Variants in ITGBL1 observed in about 807,000 individuals in gnomAD.
ITGBL1 encodes the protein integrin subunit beta like 1.
A neutral mutation model predicts 68.5 loss-of-function variants in ITGBL1; 51 were observed. The ratio of observed to expected loss-of-function variants is 0.74; its 90% CI spans 0.59 to 0.94. The LOEUF (loss-of-function observed/expected upper bound fraction) is 0.94. Among genes scored for constraint, ITGBL1 ranks in the 40% least tolerant of loss-of-function variants. The pLI, the probability that ITGBL1 is intolerant of heterozygous loss-of-function variation, is 0.00. For missense variants in ITGBL1, 649 were observed against 647.4 expected (o/e 1.00, Z -0.03); for synonymous variants, 209 against 227.3 (o/e 0.92, Z 0.72).
At chr13:101,564,560 A>G (rs1488058189) in intron 2 of ITGBL1, among the ~76,000 whole-genome samples, 3 of 150,488 alleles carry the variant, frequency 2.0e-5, no homozygotes, top group Non-Finnish European at 4.4e-5. Context: ...ATAACAATAT[A>G]TAACAATTTA....
At chr13:101,676,465 A>G (rs1188447229) in intron 7 of ITGBL1, among the ~76,000 whole-genome samples, 2 of 152,138 alleles carry the variant, frequency 1.3e-5, no homozygotes, top group Non-Finnish European at 2.9e-5. Context: ...CAATTACTGT[A>G]TTTGCAGCAA....
intron 2 of ITGBL1, among the ~76,000 whole-genome samples, chr13:101,460,900 C>T (rs1394464412): frequency 2.0e-5 from 3 of 152,170 alleles, no homozygotes; most frequent in Admixed American, 6.5e-5. Context: ...GGGATCCACC[C>T]CCATAACCCA....
intron 7 of ITGBL1, among the ~76,000 whole-genome samples, chr13:101,691,891 G>T (rs1244482461): frequency 6.6e-6 from 1 of 152,078 alleles, no homozygotes; most frequent in Non-Finnish European, 1.5e-5. Flanking sequence ...TGTCATGCAG[G>T]GAATGATAGT....
intron 7 of ITGBL1, among the ~76,000 whole-genome samples, chr13:101,618,168 T>A (rs2031440589): frequency 6.6e-6 from 1 of 152,146 alleles, no homozygotes; most frequent in South Asian, 2.1e-4. Context: ...GGGGGGAAAT[T>A]ATGTTTAGTG....
chr13:101,669,056 A>G (rs1029780688), intron 7 of ITGBL1, among the ~76,000 whole-genome samples: 2 of 152,106 alleles, frequency 1.3e-5, no homozygotes, highest in South Asian at 4.1e-4. Flanking sequence ...AAACCTTTTA[A>G]TTAATATATG....
At chr13:101,660,407 C>T (rs189661104) in intron 7 of ITGBL1, among the ~76,000 whole-genome samples, 2 of 152,184 alleles carry the variant, frequency 1.3e-5, no homozygotes, top group African/African-American at 2.4e-5. Flanking sequence ...TGGGGCCATC[C>T]AGTTTTCAGA....
chr13:101,582,585 C>T (rs761204194), intron 5 of ITGBL1, among the ~76,000 whole-genome samples: 2 of 152,154 alleles, frequency 1.3e-5, no homozygotes, highest in Admixed American at 6.6e-5. Flanking sequence ...ATAATCTGGG[C>T]TCATCTGATC....
At chr13:101,591,989 G>A (rs376016974) in intron 6 of ITGBL1, among the ~76,000 whole-genome samples, 13 of 152,166 alleles carry the variant, frequency 8.5e-5, no homozygotes, top group East Asian at 1.9e-4. Context: ...ATGTACTTCC[G>A]AAGAAATGTG....
chr13:101,605,594 G>T (rs540788997), intron 7 of ITGBL1, among the ~76,000 whole-genome samples: 2 of 151,188 alleles, frequency 1.3e-5, no homozygotes, highest in South Asian at 2.1e-4. Context: ...ATTTAGACAC[G>T]TACGTGTGTA....
chr13:101,484,070 C>T (rs1286008804), intron 2 of ITGBL1, among the ~76,000 whole-genome samples: 9 of 151,152 alleles, frequency 6.0e-5, no homozygotes, highest in Admixed American at 4.6e-4. Flanking sequence ...TTTTTTTTCC[C>T]CTGCTTTTTG....
chr13:101,535,950 G>A (rs1238359257), intron 2 of ITGBL1, among the ~76,000 whole-genome samples: 1 of 151,994 alleles, frequency 6.6e-6, no homozygotes, highest in Non-Finnish European at 1.5e-5. Context: ...CTCATGGTTA[G>A]TTCTGTACTT....
At chr13:101,673,041 A>G (rs2033415462) in intron 7 of ITGBL1, among the ~76,000 whole-genome samples, 1 of 152,174 alleles carries the variant, frequency 6.6e-6, no homozygotes, top group Non-Finnish European at 1.5e-5. Flanking sequence ...AAGTTCACCA[A>G]ACTGTCGAAT....
intron 2 of ITGBL1, among the ~76,000 whole-genome samples, chr13:101,531,700 GTTAT>G (rs10551253): frequency 0.4 from 54,963 of 138,676 alleles, 11,681 homozygotes; most frequent in East Asian, 0.54. Context: ...TTTTTATTTT[GTTAT>G]TTATTTATTT....
At chr13:101,690,818 G>A (rs2033867916) in intron 7 of ITGBL1, among the ~76,000 whole-genome samples, 5 of 152,176 alleles carry the variant, frequency 3.3e-5, no homozygotes, top group Admixed American at 3.3e-4. Context: ...AAAAAAATGT[G>A]TATTGGTATA....
intron 4 of ITGBL1, 42 bp downstream of exon 4, chr13:101,575,588 T>G (rs1594899445): frequency 5.1e-6 from 8 of 1,583,560 alleles, no homozygotes; most frequent in Middle Eastern, 1.7e-4. Flanking sequence ...AAGTACCTGT[T>G]TTTTTCACCT....
intron 2 of ITGBL1, among the ~76,000 whole-genome samples, chr13:101,515,348 C>T (rs544619261): frequency 6.0e-5 from 9 of 150,902 alleles, no homozygotes; most frequent in Admixed American, 5.9e-4. Context: ...TTTTTTTAGC[C>T]CAGCATTTTG....
chr13:101,553,784 C>T (rs2049959555), intron 2 of ITGBL1, among the ~76,000 whole-genome samples: 1 of 151,936 alleles, frequency 6.6e-6, no homozygotes, highest in South Asian at 2.1e-4. Flanking sequence ...CATATTTCCC[C>T]CCTTTTTTTG....
chr13:101,595,811 G>T (rs1055357448), intron 6 of ITGBL1, among the ~76,000 whole-genome samples: 1 of 152,042 alleles, frequency 6.6e-6, no homozygotes, highest in Non-Finnish European at 1.5e-5. Context: ...ATCAAAAAGA[G>T]AATTATATGA....
rs115959190 is a variant in ITGBL1, at chr13:101,552,432, A to C, written c.317-15267A>C. Among the ~76,000 whole-genome samples, 564 of 152,294 alleles carry C rather than the reference A, an allele frequency of 3.7e-3. 6 individuals carry two copies. The highest frequency in any genetic ancestry group is 0.014 in the Middle Eastern group (4 of 294). Reference sequence around the variant, plus strand: ...TTGTGAGCTACTTCACGAGTTATGAAGTTTTTAAGAATAAATAGCAATGAA... The same window carrying C: ...TTGTGAGCTACTTCACGAGTTATGACGTTTTTAAGAATAAATAGCAATGAA... On this transcript the variant is annotated intron_variant, in intron 2 of 10. Transcript: ENST00000376180.
Sources: allele counts gnomAD v4.1 joint callset (sites outside exome capture counted in the v4.1 genomes callset), GRCh38; gene constraint gnomAD v4.1.1; transcripts MANE v1.5; gene names NCBI Gene and HGNC (gene_info 2026-07-23, HGNC 2026-07-21).